Variants in FAM149A observed in about 807,000 individuals in gnomAD.
FAM149A encodes the protein family with sequence similarity 149 member A.
FAM149A carries 71 observed loss-of-function variants against 78.2 expected under a neutral mutation model. The ratio of observed to expected loss-of-function variants is 0.91; its 90% CI spans 0.75 to 1.11. The LOEUF is 1.11. Ranked by LOEUF, FAM149A falls within the 50% of genes least tolerant of loss-of-function variation. The pLI, the probability that FAM149A is intolerant of heterozygous loss-of-function variation, is 0.00. For synonymous variants in FAM149A, 446 were observed against 410.5 expected (o/e 1.09, Z -1.04); for missense variants, 1,036 against 971.0 (o/e 1.07, Z -0.89).
chr4:186,162,810 C>CTTTTT lies in FAM149A; in HGVS notation c.1576-16_1576-12dup, dbSNP rs56973296. Reference sequence around the variant, plus strand: ...GGAACGGCACTGGGCATTTGTAATTCTTTTTTTTTTTTTTTTTTTTTTTAC... The same window carrying CTTTTT: ...GGAACGGCACTGGGCATTTGTAATTCTTTTTTTTTTTTTTTTTTTTTTTTTTTTAC... On this transcript the variant is annotated intron_variant, in intron 8 of 13. Transcript: ENST00000389354. 1.3e-4 allele frequency: 72 copies of CTTTTT among 563,068 alleles called. 2 individuals carry two copies. The highest frequency in any genetic ancestry group is 4.5e-4 in the African/African-American group (18 of 39,744). The allele number at this position is 563,068 out of a possible 1,614,324, so 34.9% of individuals were successfully genotyped here. A position where few individuals can be genotyped will look rare whatever the true frequency, so the allele number is the denominator to read the frequency against.
intron 5 of FAM149A, 43 bp from the exon 6 acceptor site, chr4:186,154,425 G>C: frequency 2.6e-6 from 4 of 1,524,028 alleles, no homozygotes; most frequent in Non-Finnish European, 3.6e-6. Context: ...TGCGTTCTTG[G>C]TGTTCTATAA....
chr4:186,137,602 T>C (rs2099324014), intron 1 of FAM149A, among the ~76,000 whole-genome samples: 1 of 151,970 alleles, frequency 6.6e-6, no homozygotes, highest in Non-Finnish European at 1.5e-5. Flanking sequence ...TTTTTTTTTA[T>C]AGTGATGAAA....
chr4:186,154,232 AAG>A (rs1439814712), intron 5 of FAM149A, among the ~76,000 whole-genome samples: 1 of 152,206 alleles, frequency 6.6e-6, no homozygotes, highest in African/African-American at 2.4e-5. Flanking sequence ...ACTGCAACCA[AAG>A]AGGGTACAAA....
Position 186,164,214 on chromosome 4 carries a change from C to T in FAM149A, c.1889+581C>T, listed in dbSNP as rs756212577. Reference sequence around the variant, plus strand: ...TATTGATCACTTTCTTTGTTATCAGCGCCAGGTAAATGAATTACATTTATG... The same window carrying T: ...TATTGATCACTTTCTTTGTTATCAGTGCCAGGTAAATGAATTACATTTATG... On this transcript the variant is annotated intron_variant, in intron 10 of 13. Transcript: ENST00000389354. The surrounding 1 kb of genome is among the most constrained non-coding windows in gnomAD (Gnocchi z 4.0). 6.6e-5 allele frequency among the ~76,000 whole-genome samples: 10 copies of T among 152,292 alleles called. No individual in the cohort carries two copies. Among genetic ancestry groups the T allele is most frequent in the South Asian group, 4.2e-4 (2 of 4,818 alleles).
At chr4:186,167,568 A>G (rs1174337063) in intron 13 of FAM149A, 6 of 391,264 alleles carry the variant, frequency 1.5e-5, no homozygotes, top group Admixed American at 3.7e-5. Context: ...TCTGTCTGCT[A>G]TAGCGTTTTC....
Position 186,174,084 on chromosome 4 carries a change from CTTT to C in FAM149A, c.*2110_*2112del, listed in dbSNP as rs111448527. On this transcript the variant is annotated 3_prime_UTR_variant, in exon 14 of 14. Transcript: ENST00000389354. ...TCCTTCCCTATTCAGTCCAAACTTC[CTTT>C]TTTTTTTTTTTTACTTGAAGTTCAG... Among the ~76,000 whole-genome samples, 8 of 93,792 alleles carry C rather than the reference CTTT, an allele frequency of 8.5e-5. No individual in the cohort carries two copies. The highest frequency in any genetic ancestry group is 6.7e-5 in the African/African-American group (2 of 29,716). The allele number at this position is 93,792 out of a possible 152,430, so 61.5% of individuals were successfully genotyped here.
chr4:186,138,244 A>AGTGAGT (rs2099324328), intron 1 of FAM149A, among the ~76,000 whole-genome samples: 1 of 150,860 alleles, frequency 6.6e-6, no homozygotes. Flanking sequence ...TTAGTGAGTG[A>AGTGAGT]GTGTGTGTGT....
At chr4:186,109,915 A>G in intron 1 of FAM149A, 1 of 985,410 alleles carries the variant, frequency 1.0e-6, no homozygotes, top group Non-Finnish European at 1.2e-6. Context: ...TTTAATTAAC[A>G]TTACCACTGA....
At chr4:186,150,847 G>C (rs1285677901) in intron 3 of FAM149A, 1 of 155,158 alleles carries the variant, frequency 6.4e-6, no homozygotes, top group Non-Finnish European at 1.4e-5. Context: ...TCAGCCTCCC[G>C]AGTAGCTGGG....
chr4:186,126,868 A>G lies in FAM149A; in HGVS notation c.566+21226A>G, dbSNP rs950929591. The G allele has an allele frequency of 1.0e-4, 100 of 984,508 alleles. 1 individual carries two copies. In the African/African-American group the frequency reaches 1.6e-3, roughly 16 times the overall value. 61.0% of individuals were successfully genotyped at this position (984,508 alleles called of 1,614,324 possible). A position where few individuals can be genotyped will look rare whatever the true frequency, so the allele number is the denominator to read the frequency against. Reference sequence around the variant, plus strand: ...GGTTCTGTTTCTCTGGAGAACCCCAATACAGGGGGAGGAAGAGACACTTGC... The same window carrying G: ...GGTTCTGTTTCTCTGGAGAACCCCAGTACAGGGGGAGGAAGAGACACTTGC... On this transcript the variant is annotated intron_variant, in intron 1 of 13. Transcript: ENST00000389354.
chr4:186,124,109 G>GA (rs1184229886), intron 1 of FAM149A: 2 of 984,900 alleles, frequency 2.0e-6, no homozygotes, highest in Non-Finnish European at 2.4e-6. Context: ...TCCTTGGTCA[G>GA]AAAAGGATGG....
chr4:186,169,753 A>G (rs1337952611), intron 13 of FAM149A: 1 of 985,288 alleles, frequency 1.0e-6, no homozygotes, highest in African/African-American at 1.7e-5. Flanking sequence ...GGGCGTCCAG[A>G]GGAGTTACAT....
chr4:186,156,035 C>A lies in FAM149A; in HGVS notation c.1265C>A (p.Pro422His), dbSNP rs746650008. 4 of 1,613,536 alleles carry A rather than the reference C, an allele frequency of 2.5e-6. No homozygotes were observed. The highest frequency in any genetic ancestry group is 3.4e-6 in the Non-Finnish European group (4 of 1,179,752). Residue 422 changes from proline (P) to histidine (H), a missense_variant, in exon 7 of 14, where the codon CCC becomes CAC. Transcript: ENST00000389354. The stretch of plus-strand genomic sequence containing the variant: ...TGTCTTGAACAAAAACCAGCTCAGC[C>A]CGGTAGGAAATGGCGCAAACTCGGA...
At chr4:186,155,853 T>C (rs1733997669) in intron 6 of FAM149A, 147 bp from the exon 7 acceptor site, 3 of 547,918 alleles carry the variant, frequency 5.5e-6, no homozygotes, top group Non-Finnish European at 8.6e-6. Context: ...TGGAAAAAAA[T>C]TATATATGTT....
At chr4:186,133,223 T>G in intron 1 of FAM149A, 1 of 981,118 alleles carries the variant, frequency 1.0e-6, no homozygotes, top group Non-Finnish European at 1.2e-6. Context: ...GAATTTATTT[T>G]AACAATTTTA....
intron 1 of FAM149A, among the ~76,000 whole-genome samples, chr4:186,106,717 G>A (rs1307581552): frequency 2.0e-5 from 3 of 152,190 alleles, no homozygotes; most frequent in Admixed American, 2.0e-4. Flanking sequence ...GGAGGCCGAG[G>A]CGGGCGGATC....
intron 1 of FAM149A, among the ~76,000 whole-genome samples, chr4:186,121,908 C>T (rs898947365): frequency 2.6e-5 from 4 of 152,152 alleles, no homozygotes; most frequent in African/African-American, 7.2e-5. Context: ...TCAAGCGCCC[C>T]TGTGATTTAT....
chr4:186,160,537 A>C (rs1186747428), intron 8 of FAM149A, among the ~76,000 whole-genome samples: 2 of 148,362 alleles, frequency 1.3e-5, no homozygotes, highest in Non-Finnish European at 3.0e-5. Flanking sequence ...ACTACACACC[A>C]CACGCACACC....
chr4:186,122,753 C>T (rs1443095860), intron 1 of FAM149A: 4 of 436,644 alleles, frequency 9.2e-6, no homozygotes, highest in East Asian at 1.6e-4. Context: ...ATTTACTTTT[C>T]ATGGGAATTG....
Sources: gnomAD v4.1 joint callset for allele counts (sites outside exome capture counted in the v4.1 genomes callset) on GRCh38, gnomAD v4.1.1 for gene constraint, Gnocchi (gnomAD v3.1) non-coding constraint, MANE v1.5 for transcripts, NCBI Gene and HGNC (gene_info 2026-07-23, HGNC 2026-07-21) for gene names.